The following HTR7 variants were observed in gnomAD, a reference collection of about 807,000 sequenced individuals.
HTR7 encodes 5-HT-7.
Under a neutral mutation model 34.0 loss-of-function variants are expected in HTR7, and 16 were observed. That is an observed-to-expected ratio of 0.47 (90% confidence interval 0.32 to 0.71). HTR7 has a LOEUF of 0.71. HTR7 is among the 30% of genes least tolerant of loss of function. The pLI, the probability that HTR7 is intolerant of heterozygous loss-of-function variation, is 0.04. For synonymous variants in HTR7, 265 were observed against 260.2 expected (o/e 1.02, Z -0.18); for missense variants, 504 against 625.5 (o/e 0.81, Z 2.07).
chr10:90,843,798 G>A (rs943369145), intron 1 of HTR7, among the ~76,000 whole-genome samples: 1 of 152,208 alleles, frequency 6.6e-6, no homozygotes, highest in African/African-American at 2.4e-5. Context: ...GCAAGCTCCA[G>A]TAAGACCAAA....
chr10:90,830,137 A>G (rs1310160121), intron 1 of HTR7, among the ~76,000 whole-genome samples: 1 of 152,222 alleles, frequency 6.6e-6, no homozygotes, highest in East Asian at 1.9e-4. Context: ...TATACCCACC[A>G]ATAGCGAACC....
chr10:90,785,721 C>G (rs558451484), intron 1 of HTR7, among the ~76,000 whole-genome samples: 2 of 152,324 alleles, frequency 1.3e-5, no homozygotes, highest in South Asian at 4.1e-4. Flanking sequence ...TTAAGAAATA[C>G]TATGGTTCAT....
intron 1 of HTR7, among the ~76,000 whole-genome samples, chr10:90,822,227 A>C (rs1475455055): frequency 6.6e-6 from 1 of 152,232 alleles, no homozygotes; most frequent in Non-Finnish European, 1.5e-5. Flanking sequence ...TGTGACCAAA[A>C]TGCTGAAAGT....
chr10:90,750,151 G>A (rs1174631990), intron 1 of HTR7, among the ~76,000 whole-genome samples: 3 of 152,086 alleles, frequency 2.0e-5, no homozygotes, highest in Non-Finnish European at 4.4e-5. Context: ...TGTTGAAATG[G>A]TTAGCAAAAA....
At chr10:90,807,126 AG>A in intron 1 of HTR7, among the ~76,000 whole-genome samples, 2 of 152,344 alleles carry the variant, frequency 1.3e-5, no homozygotes, top group East Asian at 3.9e-4. Flanking sequence ...AATACGACAG[AG>A]TGGAAAAAAG....
At chr10:90,793,197 AC>A (rs1390913721) in intron 1 of HTR7, among the ~76,000 whole-genome samples, 26 of 152,206 alleles carry the variant, frequency 1.7e-4, no homozygotes, top group African/African-American at 5.8e-4. Flanking sequence ...AAGAACTTCT[AC>A]AACTCAACAA....
At chr10:90,743,813 GA>G (rs752619470) in intron 2 of HTR7, 123 bp from the exon 3 acceptor site, 6 of 790,034 alleles carry the variant, frequency 7.6e-6, no homozygotes, top group Non-Finnish European at 1.3e-5. Flanking sequence ...GAATACTTGT[GA>G]AAAGGATTAA....
intron 1 of HTR7, among the ~76,000 whole-genome samples, chr10:90,786,810 A>T (rs866276910): frequency 2.0e-5 from 3 of 152,202 alleles, no homozygotes; most frequent in Non-Finnish European, 4.4e-5. Context: ...GGAGAATCAG[A>T]CAGGATGAGT....
chr10:90,795,843 G>T (rs1845529732), intron 1 of HTR7, among the ~76,000 whole-genome samples: 1 of 152,144 alleles, frequency 6.6e-6, no homozygotes, highest in African/African-American at 2.4e-5. Context: ...GGGATCTGTG[G>T]GGGTTGAGGG....
rs1000344260 is a variant in HTR7, at chr10:90,741,163, A to T, written c.*1319T>A. On this transcript the variant is annotated 3_prime_UTR_variant, in exon 4 of 4. Transcript: ENST00000336152. ...GCTTGCTTTATTGTAGGAAAATAAT[A>T]TTCTCTTTCAGTTCACTCTTATCAA... The T allele has an allele frequency of 6.6e-6, 1 of 152,544 alleles. No individual in the cohort carries two copies. The highest frequency in any genetic ancestry group is 1.5e-5 in the Non-Finnish European group (1 of 68,020). 9.4% of individuals were successfully genotyped at this position (152,544 alleles called of 1,614,324 possible).
chr10:90,766,755 G>C (rs1845031747), intron 1 of HTR7, among the ~76,000 whole-genome samples: 1 of 152,106 alleles, frequency 6.6e-6, no homozygotes, highest in South Asian at 2.1e-4. Context: ...TATAGTTATA[G>C]CATCACCCTA....
At chr10:90,827,646 A>G (rs1210459728) in intron 1 of HTR7, among the ~76,000 whole-genome samples, 1 of 152,266 alleles carries the variant, frequency 6.6e-6, no homozygotes, top group Non-Finnish European at 1.5e-5. Context: ...AGGTCATTGT[A>G]TAATGATAAA....
At chr10:90,822,434 C>T (rs1035598521) in intron 1 of HTR7, among the ~76,000 whole-genome samples, 1 of 152,178 alleles carries the variant, frequency 6.6e-6, no homozygotes, top group African/African-American at 2.4e-5. Context: ...TTCTAAGCAG[C>T]AAAGCATTCA....
intron 1 of HTR7, among the ~76,000 whole-genome samples, chr10:90,763,147 G>T (rs963875675): frequency 6.6e-6 from 1 of 152,102 alleles, no homozygotes; most frequent in African/African-American, 2.4e-5. Flanking sequence ...TGAATTTTAG[G>T]ATTGTTTTCT....
At chr10:90,849,894 T>A (rs1846472256) in intron 1 of HTR7, among the ~76,000 whole-genome samples, 1 of 152,192 alleles carries the variant, frequency 6.6e-6, no homozygotes, top group African/African-American at 2.4e-5. Flanking sequence ...AACCAGGACT[T>A]CAGGGAACAA....
In HTR7 at chr10:90,742,259, C is replaced by T; in HGVS notation, c.*223G>A. ...GTGTGCTTACTGCTGAGATGATCTGCTATCTTAAACTGAGAACACACAATA... is the reference window on the plus strand; with the variant it reads ...GTGTGCTTACTGCTGAGATGATCTGTTATCTTAAACTGAGAACACACAATA... On this transcript the variant is annotated 3_prime_UTR_variant, in exon 4 of 4. Coordinates refer to ENST00000336152, the MANE Select transcript of HTR7 (RefSeq NM_019859.4). The T allele has an allele frequency of 2.7e-6, 1 of 368,436 alleles. No individual in the cohort carries two copies. Among genetic ancestry groups the T allele is most frequent in the Non-Finnish European group, 4.9e-6 (1 of 203,978 alleles). 22.8% of individuals were successfully genotyped at this position (368,436 alleles called of 1,614,324 possible).
intron 1 of HTR7, among the ~76,000 whole-genome samples, chr10:90,838,740 C>T (rs1243624909): frequency 6.6e-6 from 1 of 152,182 alleles, no homozygotes; most frequent in Non-Finnish European, 1.5e-5. Flanking sequence ...GCTGCCTTTG[C>T]CTAGAAAGTT....
intron 1 of HTR7, among the ~76,000 whole-genome samples, chr10:90,832,022 T>C (rs994427865): frequency 1.3e-5 from 2 of 152,234 alleles, no homozygotes; most frequent in Non-Finnish European, 2.9e-5. Flanking sequence ...TTGAGCTAGA[T>C]ACAGAGTGTT....
At chr10:90,767,459 T>C (rs2119742538) in intron 1 of HTR7, among the ~76,000 whole-genome samples, 1 of 152,340 alleles carries the variant, frequency 6.6e-6, no homozygotes, top group Non-Finnish European at 1.5e-5. Flanking sequence ...AAGTAAATGT[T>C]GGGAGAAAGT....
Sources: allele counts gnomAD v4.1 joint callset (sites outside exome capture counted in the v4.1 genomes callset), GRCh38; gene constraint gnomAD v4.1.1; transcripts MANE v1.5; gene names NCBI Gene and HGNC (gene_info 2026-07-23, HGNC 2026-07-21).